The following FNBP1L variants were observed in gnomAD, a reference collection of about 807,000 sequenced individuals.
FNBP1L encodes formin-binding protein 1-like.
FNBP1L carries 36 observed loss-of-function variants against 91.2 expected under a neutral mutation model. That is an observed-to-expected ratio of 0.39 (90% CI 0.30 to 0.52). The LOEUF is 0.52. Ranked by LOEUF, FNBP1L falls within the 20% of genes least tolerant of loss-of-function variation. The pLI is 0.66. For missense variants in FNBP1L, 571 were observed against 732.1 expected (o/e 0.78, Z 2.54); for synonymous variants, 242 against 237.0 (o/e 1.02, Z -0.19).
At chr1:93,523,139 A>G (rs1233041143) in intron 3 of FNBP1L, among the ~76,000 whole-genome samples, 3 of 152,218 alleles carry the variant, frequency 2.0e-5, no homozygotes, top group Admixed American at 6.5e-5. Context: ...TTACTAATAA[A>G]TGAAAGACTA....
At chr1:93,499,432 G>A (rs1670372102) in intron 1 of FNBP1L, 36 bp from the exon 2 acceptor site, 1 of 1,337,338 alleles carries the variant, frequency 7.5e-7, no homozygotes, top group Admixed American at 2.1e-5. Context: ...TAAAATTTTA[G>A]ACTTTTGAAA....
intron 2 of FNBP1L, among the ~76,000 whole-genome samples, chr1:93,513,723 T>C (rs1670953740): frequency 6.6e-6 from 1 of 152,200 alleles, no homozygotes; most frequent in African/African-American, 2.4e-5. Context: ...TCAAGAACCC[T>C]TCATGCTAAA....
At chr1:93,475,601 A>G (rs1316951914) in intron 1 of FNBP1L, among the ~76,000 whole-genome samples, 1 of 152,208 alleles carries the variant, frequency 6.6e-6, no homozygotes, top group Non-Finnish European at 1.5e-5. Flanking sequence ...CATCACATGC[A>G]TGTAATAAAG....
chr1:93,458,020 T>C (rs1447818643), intron 1 of FNBP1L, among the ~76,000 whole-genome samples: 1 of 152,080 alleles, frequency 6.6e-6, no homozygotes, highest in Non-Finnish European at 1.5e-5. Flanking sequence ...CTCGACCTCC[T>C]GACCTCATGA....
intron 1 of FNBP1L, among the ~76,000 whole-genome samples, chr1:93,451,308 T>G (rs1426538950): frequency 6.6e-6 from 1 of 152,218 alleles, no homozygotes; most frequent in East Asian, 1.9e-4. Flanking sequence ...GGAAAAGACC[T>G]ATGTTTAGTA....
chr1:93,548,737 G>C (rs1672315400), intron 14 of FNBP1L, among the ~76,000 whole-genome samples: 1 of 152,122 alleles, frequency 6.6e-6, no homozygotes, highest in Non-Finnish European at 1.5e-5. Context: ...GAGTCCAGTA[G>C]AAAAGGGACA....
Position 93,551,017 on chromosome 1 carries a change from CGGAT to C in FNBP1L, c.1726_1729del (p.Trp576GlnfsTer18). The C allele has an allele frequency of 6.2e-7, 1 of 1,612,458 alleles. No homozygotes were observed. The highest frequency in any genetic ancestry group is 8.5e-7 in the Non-Finnish European group (1 of 1,179,100). On this transcript the variant is annotated frameshift_variant, in exon 16 of 17. Transcript: ENST00000271234. LOFTEE classifies it high-confidence loss of function. Reference sequence around the variant, plus strand: ...ACATTATAGAGGAGGACAAAGGTGACGGATGGACAAGAGCTCGGAGACAGAACGG... The same window carrying C: ...ACATTATAGAGGAGGACAAAGGTGACGGACAAGAGCTCGGAGACAGAACGG...
chr1:93,487,670 T>C (rs554293630), intron 1 of FNBP1L, among the ~76,000 whole-genome samples: 2 of 152,304 alleles, frequency 1.3e-5, no homozygotes, highest in African/African-American at 4.8e-5. Flanking sequence ...ATAAACGCCC[T>C]GAATTCAGGA....
At chr1:93,546,233 A>C (rs75067807) in intron 12 of FNBP1L, among the ~76,000 whole-genome samples, 1 of 152,074 alleles carries the variant, frequency 6.6e-6, no homozygotes, top group African/African-American at 2.4e-5. Flanking sequence ...AATGTAACCT[A>C]TAGGAAGTCA....
chr1:93,526,776 A>G (rs1286829618), intron 5 of FNBP1L, among the ~76,000 whole-genome samples: 11 of 152,162 alleles, frequency 7.2e-5, no homozygotes. Context: ...GGGAAGGAGC[A>G]TTTTTAATAT....
intron 2 of FNBP1L, among the ~76,000 whole-genome samples, chr1:93,520,653 A>G (rs913957010): frequency 1.1e-4 from 16 of 152,082 alleles, no homozygotes; most frequent in African/African-American, 3.9e-4. Flanking sequence ...TATATCATTT[A>G]TTTCTCGTAA....
chr1:93,468,910 A>G (rs953254622), intron 1 of FNBP1L, among the ~76,000 whole-genome samples: 2 of 152,192 alleles, frequency 1.3e-5, no homozygotes, highest in African/African-American at 2.4e-5. Context: ...ATCCTTGCCA[A>G]CGGTTGATAT....
intron 1 of FNBP1L, among the ~76,000 whole-genome samples, chr1:93,452,042 A>G (rs1668515812): frequency 6.6e-6 from 1 of 152,204 alleles, no homozygotes; most frequent in Non-Finnish European, 1.5e-5. Flanking sequence ...TTAGGTGGAT[A>G]ATTTATGTAT....
intron 1 of FNBP1L, among the ~76,000 whole-genome samples, chr1:93,482,815 C>T (rs1387282935): frequency 2.0e-5 from 3 of 151,864 alleles, no homozygotes; most frequent in Admixed American, 2.0e-4. Flanking sequence ...GTCAGGAGAT[C>T]GAGACCATCC....
At chr1:93,466,514 A>G (rs1669085583) in intron 1 of FNBP1L, among the ~76,000 whole-genome samples, 1 of 152,044 alleles carries the variant, frequency 6.6e-6, no homozygotes, top group African/African-American at 2.4e-5. Flanking sequence ...ATGGTTGCAG[A>G]TGTGTGGTGT....
chr1:93,494,955 G>C (rs1255557852), intron 1 of FNBP1L, among the ~76,000 whole-genome samples: 1 of 152,088 alleles, frequency 6.6e-6, no homozygotes, highest in African/African-American at 2.4e-5. Flanking sequence ...AAACAGCAAG[G>C]GAAAAACCTG....
intron 1 of FNBP1L, among the ~76,000 whole-genome samples, chr1:93,475,492 T>A (rs1301428923): frequency 6.6e-6 from 1 of 152,130 alleles, no homozygotes; most frequent in African/African-American, 2.4e-5. Context: ...TGAGCTGTGG[T>A]TGTGCCACTG....
At position 93,549,344 on chromosome 1, in the gene FNBP1L, C is replaced by T. The variant is rs764892004; in HGVS notation, c.1569C>T (p.His523=). Reference sequence around the variant, plus strand: ...GTGGGCCACCCCAGCAGCATGGTCACCACAATGAGTTTGATGATGAATTTG... The same window carrying T: ...GTGGGCCACCCCAGCAGCATGGTCATCACAATGAGTTTGATGATGAATTTG... ...EVRGPPQQHG[H]HNEFDDEFED... Residue 523 remains histidine, a synonymous_variant, in exon 15 of 17, where the codon CAC becomes CAT. Coordinates refer to ENST00000271234, the MANE Select transcript of FNBP1L (RefSeq NM_001164473.3). The T allele has an allele frequency of 8.7e-6, 14 of 1,612,800 alleles. No homozygotes were observed. Among genetic ancestry groups the T allele is most frequent in the South Asian group, 5.5e-5 (5 of 90,986 alleles).
chr1:93,516,347 C>G (rs1232772759), intron 2 of FNBP1L, among the ~76,000 whole-genome samples: 2 of 152,176 alleles, frequency 1.3e-5, no homozygotes, highest in Non-Finnish European at 2.9e-5. Context: ...GAGCTATACC[C>G]CCTTTACCTG....
Sources: gnomAD v4.1 joint callset for allele counts (sites outside exome capture counted in the v4.1 genomes callset) on GRCh38, gnomAD v4.1.1 for gene constraint, MANE v1.5 for transcripts, NCBI Gene and HGNC (gene_info 2026-07-23, HGNC 2026-07-21) for gene names.